Variants in NUP188 observed in about 807,000 individuals in gnomAD.
NUP188 encodes the protein nucleoporin 188.
NUP188 carries 97 observed loss-of-function variants against 223.0 expected under a neutral mutation model. That is an observed-to-expected ratio of 0.43 (90% confidence interval 0.37 to 0.51). The LOEUF is 0.51. Among genes scored for constraint, NUP188 ranks in the 20% least tolerant of loss-of-function variants. The pLI is 0.00. For synonymous variants in NUP188, 869 were observed against 828.0 expected (o/e 1.05, Z -0.85); for missense variants, 1,947 against 2,175.6 (o/e 0.89, Z 2.09).
chr9:128,979,380 G>C (rs762877804), intron 13 of NUP188, 53 bp downstream of exon 13: 44 of 1,338,410 alleles, frequency 3.3e-5, no homozygotes, highest in Non-Finnish European at 4.6e-5. Context: ...TCAAACACTT[G>C]TTTTCTTACA....
Position 128,958,995 on chromosome 9 carries a change from A to T in NUP188, c.466-20A>T. ...TTACCTTTTATTCTAGGTATAATTT[A>T]CTCTTTTGATTTTTTAAAGGTTGAA... On this transcript the variant is annotated intron_variant, in intron 7 of 43. Transcript: ENST00000372577. 1 of 1,502,086 alleles carries T rather than the reference A, an allele frequency of 6.7e-7. No homozygotes were observed. The highest frequency in any genetic ancestry group is 9.0e-7 in the Non-Finnish European group (1 of 1,105,058). 93.0% of individuals were successfully genotyped at this position (1,502,086 alleles called of 1,614,324 possible).
At chr9:128,984,034 C>T (rs1842294342) in intron 19 of NUP188, among the ~76,000 whole-genome samples, 2 of 151,706 alleles carry the variant, frequency 1.3e-5, no homozygotes. Flanking sequence ...GTTGGTCTGA[C>T]TCGTCTGGAA....
intron 8 of NUP188, among the ~76,000 whole-genome samples, chr9:128,962,427 T>C (rs914540915): frequency 6.6e-6 from 1 of 151,984 alleles, no homozygotes; most frequent in African/African-American, 2.4e-5. Context: ...TTTTTTGTAT[T>C]TTTAGTAGAG....
At chr9:128,961,607 TAGATAGATAGATAGA>T (rs1345685768) in intron 8 of NUP188, among the ~76,000 whole-genome samples, 33 of 148,338 alleles carry the variant, frequency 2.2e-4, no homozygotes, top group Admixed American at 3.4e-4. Flanking sequence ...GATAGATAGA[TAGATAGATAGATAGA>T]TTTTTTTTTT....
intron 8 of NUP188, among the ~76,000 whole-genome samples, chr9:128,960,165 G>A (rs111758236): frequency 0.014 from 2,123 of 146,570 alleles, 25 homozygotes; most frequent in Non-Finnish European, 0.022. Flanking sequence ...CCGGGTTCAC[G>A]CCATTCTCCT....
intron 1 of NUP188, chr9:128,948,711 C>CTTTTTTTTTTT (rs56052652): frequency 6.6e-5 from 4 of 61,066 alleles, no homozygotes; most frequent in Non-Finnish European, 1.3e-4. Flanking sequence ...GTTTTCCCCA[C>CTTTTTTTTTTT]TTTTTTTTTT....
rs746795537 is a variant in NUP188 at position 129,004,306 on chromosome 9, T to A, written c.4435-841T>A. Among the ~76,000 whole-genome samples, 67 of 146,018 alleles carry A rather than the reference T, an allele frequency of 4.6e-4. No individual in the cohort carries two copies. In the Middle Eastern group the frequency reaches 0.024, roughly 53 times the overall value. ...CAAAAAAAAAAAAAAAAAACTAAAC[T>A]AAACAAAACCAAAAAAACACACACA... On this transcript the variant is annotated intron_variant, in intron 38 of 43. Transcript: ENST00000372577.
chr9:128,986,054 A>G (rs189406589), intron 20 of NUP188, among the ~76,000 whole-genome samples: 4 of 152,276 alleles, frequency 2.6e-5, no homozygotes, highest in Admixed American at 2.6e-4. Context: ...GCGAAAAAAA[A>G]GATTGCATAT....
intron 30 of NUP188, among the ~76,000 whole-genome samples, chr9:128,996,774 C>T (rs1192713641): frequency 1.3e-5 from 2 of 152,142 alleles, no homozygotes; most frequent in Non-Finnish European, 2.9e-5. Context: ...CATCCTCTTT[C>T]CCCAAAGGAA....
chr9:128,950,156 C>T (rs188412979), intron 2 of NUP188, among the ~76,000 whole-genome samples: 2 of 152,178 alleles, frequency 1.3e-5, no homozygotes, highest in African/African-American at 4.8e-5. Context: ...CTCCCGACCT[C>T]AGGTGATCTG....
Position 129,003,365 on chromosome 9 carries a change from G to A in NUP188, c.4345G>A (p.Ala1449Thr), listed in dbSNP as rs760981396. Reference sequence around the variant, plus strand: ...GCAGAGTCTGGCCTGCCTGGAGGAGGCGGACCACACCGTGGGTTTTATTCT... The same window carrying A: ...GCAGAGTCTGGCCTGCCTGGAGGAGACGGACCACACCGTGGGTTTTATTCT... ...TVQSLACLEE[A>T]DHTVGFILQL... The change falls in exon 38 of 44, where the codon GCG becomes ACG. Residue 1449 changes from alanine (A) to threonine (T), a missense_variant. Ala to Thr is a moderately conservative substitution (Grantham distance 58). Transcript: ENST00000372577. 31 of 1,613,144 alleles carry A rather than the reference G, an allele frequency of 1.9e-5. No homozygotes were observed. The highest frequency in any genetic ancestry group is 2.5e-5 in the Non-Finnish European group (29 of 1,179,974).
At position 129,002,161 on chromosome 9, in the gene NUP188, G is replaced by A. The variant is rs576285395; in HGVS notation, c.4137+185G>A. Among the ~76,000 whole-genome samples, 13 of 152,366 alleles carry A rather than the reference G, an allele frequency of 8.5e-5. No homozygotes were observed. The South Asian group carries it at 1.7e-3, about 19-fold the overall frequency. Reference sequence around the variant, plus strand: ...GAGAAACTCACCACTAAAAGGCACCGCCTGGCCTTTGTGCACTACCTCTGG... The same window carrying A: ...GAGAAACTCACCACTAAAAGGCACCACCTGGCCTTTGTGCACTACCTCTGG... On this transcript the variant is annotated intron_variant, in intron 36 of 43. Transcript: ENST00000372577.
At chr9:128,977,685 G>C (rs1358182087) in intron 12 of NUP188, among the ~76,000 whole-genome samples, 1 of 151,848 alleles carries the variant, frequency 6.6e-6, no homozygotes, top group Non-Finnish European at 1.5e-5. Context: ...TATAATCCCA[G>C]TTACTCGGGA....
At position 128,970,961 on chromosome 9, in the gene NUP188, G is replaced by A; in HGVS notation, c.1113+3G>A. ...CCCTTGCCAGTGGGGGAAATGATGT[G>A]AGTTTAAGGCTCTGGGTGGTGAGCA... is the stretch of plus-strand genomic sequence containing the variant. On this transcript the variant is annotated splice_donor_region_variant and intron_variant, in intron 11 of 43. Transcript: ENST00000372577. 6.2e-7 allele frequency: 1 copy of A among 1,612,550 alleles called. No homozygotes were observed. The highest frequency in any genetic ancestry group is 1.1e-5 in the South Asian group (1 of 91,036).
chr9:128,975,123 A>T (rs1219342196), intron 12 of NUP188, among the ~76,000 whole-genome samples: 4 of 151,632 alleles, frequency 2.6e-5, no homozygotes. Context: ...AATCTGTTTG[A>T]CACTACCCTT....
intron 36 of NUP188, 134 bp downstream of exon 36, chr9:129,002,110 C>T: frequency 1.4e-6 from 1 of 705,446 alleles, no homozygotes. Flanking sequence ...AGGAATCTTC[C>T]CTGCCCCCAG....
intron 12 of NUP188, among the ~76,000 whole-genome samples, chr9:128,976,973 G>T (rs1196339635): frequency 6.6e-6 from 1 of 152,058 alleles, no homozygotes; most frequent in Non-Finnish European, 1.5e-5. Flanking sequence ...AGCTACTCAG[G>T]AGGCTGAGGT....
At position 129,005,239 on chromosome 9, in the gene NUP188, TGAG is replaced by T; in HGVS notation, c.4509+20_4509+22del. 1.2e-6 allele frequency: 2 copies of T among 1,613,798 alleles called. No homozygotes were observed. Among genetic ancestry groups the T allele is most frequent in the Non-Finnish European group, 1.7e-6 (2 of 1,179,636 alleles). ...ACTTACAGGTAAGCGTCCTATGCCA[TGAG>T]GTCCTGGAATACCTCACGCTAGCTT... On this transcript the variant is annotated intron_variant, in intron 39 of 43. Transcript: ENST00000372577.
At position 128,968,569 on chromosome 9, in the gene NUP188, A is replaced by G. The variant is rs1370712885; in HGVS notation, c.649A>G (p.Ile217Val). 5 of 1,614,112 alleles carry G rather than the reference A, an allele frequency of 3.1e-6. No individual in the cohort carries two copies. Among genetic ancestry groups the G allele is most frequent in the African/African-American group, 1.3e-5 (1 of 74,940 alleles). The change falls in exon 9 of 44, where the codon ATT (isoleucine) becomes GTT (valine). Residue 217 changes from isoleucine to valine, a missense_variant. Physicochemically the swap from Ile to Val is conservative, Grantham distance 29 (BLOSUM62 3). Coordinates refer to ENST00000372577, the MANE Select transcript of NUP188 (RefSeq NM_015354.3). Reference sequence around the variant, plus strand: ...TCGGGAACAGTCCATGCTGCTAGAAATTATTTTCCTTTATTATGCATACTT... The same window carrying G: ...TCGGGAACAGTCCATGCTGCTAGAAGTTATTTTCCTTTATTATGCATACTT... ...CLREQSMLLE[I>V]IFLYYAYFEM... is the part of the protein sequence containing the mutation.
Sources: gnomAD v4.1 joint callset for allele counts (sites outside exome capture counted in the v4.1 genomes callset) on GRCh38, gnomAD v4.1.1 for gene constraint, MANE v1.5 for transcripts, NCBI Gene and HGNC (gene_info 2026-07-23, HGNC 2026-07-21) for gene names.